The following HS3ST2 variants were observed in gnomAD, a reference collection of about 807,000 sequenced individuals.
HS3ST2 encodes heparan sulfate-glucosamine 3-sulfotransferase 2.
HS3ST2 carries 17 observed loss-of-function variants against 26.3 expected under a neutral mutation model. The ratio of observed to expected loss-of-function variants is 0.65; its 90% CI spans 0.44 to 0.97. The LOEUF (loss-of-function observed/expected upper bound fraction) is 0.97, where lower values mean the gene tolerates loss of function less well. HS3ST2 is among the 50% of genes least tolerant of loss of function. The pLI is 0.00. For missense variants in HS3ST2, 402 were observed against 501.2 expected, an observed-to-expected ratio of 0.80 and a Z score of 1.89; for synonymous variants, 237 against 219.2, an observed-to-expected ratio of 1.08 and a Z score of -0.72.
intron 1 of HS3ST2, among the ~76,000 whole-genome samples, chr16:22,822,849 C>T (rs1008044003): frequency 4.8e-5 from 7 of 146,196 alleles, no homozygotes; most frequent in East Asian, 2.0e-4. Flanking sequence ...AGCAAGACTC[C>T]GTCTCAGAAA....
chr16:22,860,007 G>C (rs1043497276), intron 1 of HS3ST2, among the ~76,000 whole-genome samples: 1 of 152,122 alleles, frequency 6.6e-6, no homozygotes, highest in African/African-American at 2.4e-5. Flanking sequence ...CTCTGCCTCA[G>C]AGCCTTTGTA....
intron 1 of HS3ST2, among the ~76,000 whole-genome samples, chr16:22,888,617 C>T (rs1255031676): frequency 1.3e-5 from 2 of 152,030 alleles, no homozygotes; most frequent in Non-Finnish European, 2.9e-5. Flanking sequence ...GATCTCCTGA[C>T]CTTGTGATCC....
intron 1 of HS3ST2, among the ~76,000 whole-genome samples, chr16:22,879,512 TG>T (rs964215971): frequency 1.3e-5 from 2 of 152,078 alleles, no homozygotes; most frequent in Admixed American, 1.3e-4. Flanking sequence ...CACACTCTGC[TG>T]GGGGGCATCC....
intron 1 of HS3ST2, among the ~76,000 whole-genome samples, chr16:22,851,640 G>C (rs1901519707): frequency 6.6e-6 from 1 of 152,190 alleles, no homozygotes; most frequent in South Asian, 2.1e-4. Context: ...CCATCTCCTA[G>C]TTGTTTATCA....
intron 1 of HS3ST2, among the ~76,000 whole-genome samples, chr16:22,911,949 C>G (rs1197153727): frequency 6.6e-6 from 1 of 152,126 alleles, no homozygotes. Context: ...TGGTGAAACC[C>G]TGTCTCTACA....
chr16:22,858,339 T>C (rs1015289374), intron 1 of HS3ST2, among the ~76,000 whole-genome samples: 2 of 150,442 alleles, frequency 1.3e-5, no homozygotes, highest in Non-Finnish European at 2.9e-5. Context: ...GCCCACAAAT[T>C]TTTTTTAAAA....
intron 1 of HS3ST2, among the ~76,000 whole-genome samples, chr16:22,869,192 T>TA (rs1297175068): frequency 1.3e-5 from 2 of 152,118 alleles, no homozygotes; most frequent in Non-Finnish European, 2.9e-5. Context: ...CTCTTCCTGA[T>TA]AGAGACCTCC....
intron 1 of HS3ST2, among the ~76,000 whole-genome samples, chr16:22,840,515 T>G (rs7188335): frequency 0.038 from 5,782 of 152,172 alleles, 367 homozygotes; most frequent in African/African-American, 0.13. Flanking sequence ...CCCCAGTAGT[T>G]GGGATTACAG....
At position 22,904,926 on chromosome 16, in the gene HS3ST2, C is replaced by T. The variant is rs208632; in HGVS notation, c.486-10018C>T. 4.5e-3 allele frequency among the ~76,000 whole-genome samples: 686 copies of T among 152,260 alleles called. 1 individual carries two copies. The highest frequency in any genetic ancestry group is 8.0e-3 in the Non-Finnish European group (545 of 68,030). ...GGGCTCATGACTTCGCTCAACTAGGCGAGGATAAACGGCCACAGGTGCTGT... is the reference window on the plus strand; with the variant it reads ...GGGCTCATGACTTCGCTCAACTAGGTGAGGATAAACGGCCACAGGTGCTGT... On this transcript the variant is annotated intron_variant, in intron 1 of 1. Transcript: ENST00000261374.
At chr16:22,831,396 T>C (rs1189587706) in intron 1 of HS3ST2, among the ~76,000 whole-genome samples, 1 of 152,236 alleles carries the variant, frequency 6.6e-6, no homozygotes, top group East Asian at 1.9e-4. Context: ...TAAAAAGCTG[T>C]GATTCCAATT....
intron 1 of HS3ST2, among the ~76,000 whole-genome samples, chr16:22,910,774 A>G (rs935103883): frequency 1.3e-5 from 2 of 152,182 alleles, no homozygotes; most frequent in African/African-American, 2.4e-5. Context: ...CAAGGCGCCA[A>G]TGGGTGGGTT....
At chr16:22,865,049 C>CAAA (rs59256411) in intron 1 of HS3ST2, among the ~76,000 whole-genome samples, 23 of 49,892 alleles carry the variant, frequency 4.6e-4, no homozygotes, top group Non-Finnish European at 6.7e-4. Context: ...GACCCTATCT[C>CAAA]AAAAAAAAAA....
intron 1 of HS3ST2, among the ~76,000 whole-genome samples, chr16:22,879,661 T>C (rs1046256686): frequency 1.3e-5 from 2 of 152,178 alleles, no homozygotes; most frequent in African/African-American, 4.8e-5. Flanking sequence ...GCTGAGTTCC[T>C]GGCAGCATTA....
chr16:22,859,607 T>G (rs1419744418), intron 1 of HS3ST2, among the ~76,000 whole-genome samples: 1 of 152,212 alleles, frequency 6.6e-6, no homozygotes, highest in South Asian at 2.1e-4. Context: ...AAAGGGGTTC[T>G]TTCTAGACAG....
chr16:22,853,467 G>A (rs1043543606), intron 1 of HS3ST2, among the ~76,000 whole-genome samples: 3 of 152,162 alleles, frequency 2.0e-5, no homozygotes, highest in Admixed American at 2.0e-4. Flanking sequence ...ATCCGTGAAT[G>A]GGTAAAAGAG....
At chr16:22,861,305 C>G (rs1272965198) in intron 1 of HS3ST2, among the ~76,000 whole-genome samples, 1 of 152,006 alleles carries the variant, frequency 6.6e-6, no homozygotes, top group Non-Finnish European at 1.5e-5. Context: ...GCCCATCTCT[C>G]TACTTTTGTC....
intron 1 of HS3ST2, among the ~76,000 whole-genome samples, chr16:22,911,143 A>G (rs182143137): frequency 2.6e-5 from 4 of 152,338 alleles, no homozygotes; most frequent in Non-Finnish European, 5.9e-5. Flanking sequence ...GAACATATTA[A>G]GGATATATTT....
chr16:22,832,435 G>C (rs3848257), intron 1 of HS3ST2, among the ~76,000 whole-genome samples: 18,813 of 152,050 alleles, frequency 0.12, 1,284 homozygotes, highest in South Asian at 0.22. Flanking sequence ...CATTTTGGGG[G>C]TTCACAAGCT....
intron 1 of HS3ST2, among the ~76,000 whole-genome samples, chr16:22,904,961 A>G (rs923857656): frequency 3.9e-5 from 6 of 152,220 alleles, no homozygotes; most frequent in African/African-American, 4.8e-5. Context: ...TGCCTGCCAC[A>G]TGGCTCAGTG....
Sources: allele counts gnomAD v4.1 joint callset (sites outside exome capture counted in the v4.1 genomes callset), GRCh38; gene constraint gnomAD v4.1.1; transcripts MANE v1.5; gene names NCBI Gene and HGNC (gene_info 2026-07-23, HGNC 2026-07-21).